WDR27: variants seen among roughly 807,000 people sequenced by gnomAD.
WDR27 encodes the protein WD repeat domain 27.
WDR27 carries 100 observed loss-of-function variants against 114.4 expected under a neutral mutation model. That is an observed-to-expected ratio of 0.87 (90% CI 0.74 to 1.03). The LOEUF is 1.03. Among genes scored for constraint, WDR27 ranks in the 50% least tolerant of loss-of-function variants. The pLI is 0.00. For synonymous variants in WDR27, 449 were observed against 423.1 expected, an observed-to-expected ratio of 1.06 and a Z score of -0.75; for missense variants, 1,129 against 1,092.9, an observed-to-expected ratio of 1.03 and a Z score of -0.47.
At chr6:169,678,941 T>C (rs1480808019) in intron 2 of WDR27, among the ~76,000 whole-genome samples, 1 of 152,074 alleles carries the variant, frequency 6.6e-6, no homozygotes, top group East Asian at 1.9e-4. Context: ...AAAGAAACAA[T>C]TTACAACCTG....
chr6:169,642,662 T>C (rs1819529891), intron 17 of WDR27, among the ~76,000 whole-genome samples: 1 of 152,026 alleles, frequency 6.6e-6, no homozygotes, highest in Non-Finnish European at 1.5e-5. Context: ...TGCCTGCCCT[T>C]GGGGGCCTGC....
chr6:169,521,016 T>G lies in WDR27; in HGVS notation c.2645+51403A>C, dbSNP rs370116355. Among the ~76,000 whole-genome samples the G allele has an allele frequency of 1.3e-4, 20 of 152,124 alleles. No homozygotes were observed. The South Asian group carries it at 2.5e-3, about 19-fold the overall frequency. ...AACTTGCCAAACTTTGAGAAAGAGATAAATATCCAGGTAAGGGAAGGTCAG... is the reference window on the plus strand; with the variant it reads ...AACTTGCCAAACTTTGAGAAAGAGAGAAATATCCAGGTAAGGGAAGGTCAG... On this transcript the variant is annotated intron_variant, in intron 25 of 25. Coordinates refer to ENST00000448612, the MANE Select transcript of WDR27 (RefSeq NM_182552.5).
intron 25 of WDR27, among the ~76,000 whole-genome samples, chr6:169,479,989 C>T (rs1249683806): frequency 6.6e-6 from 1 of 152,246 alleles, no homozygotes; most frequent in Non-Finnish European, 1.5e-5. Flanking sequence ...CCTCTCTGGG[C>T]TGGCCAAGGC....
At chr6:169,586,920 T>C (rs2128147630) in intron 23 of WDR27, among the ~76,000 whole-genome samples, 1 of 121,402 alleles carries the variant, frequency 8.2e-6, no homozygotes, top group East Asian at 2.7e-4. Flanking sequence ...ATGGAACCAA[T>C]CCAGGAAAAC....
At chr6:169,501,271 A>G (rs1791194328) in intron 25 of WDR27, among the ~76,000 whole-genome samples, 1 of 152,176 alleles carries the variant, frequency 6.6e-6, no homozygotes, top group Admixed American at 6.5e-5. Context: ...AGCCCAGACC[A>G]GCCAGTGTCC....
the WDR27 span, among the ~76,000 whole-genome samples, chr6:169,428,608 A>AGGGGGGGGGGGGGGGGG: frequency 3.0e-4 from 34 of 114,488 alleles, no homozygotes; most frequent in Non-Finnish European, 4.4e-4. Flanking sequence ...GGCGGGGGGG[A>AGGGGGGGGGGGGGGGGG]GGGGGGGGTT....
chr6:169,583,841 T>C (rs1055823141), intron 23 of WDR27, among the ~76,000 whole-genome samples: 2 of 152,144 alleles, frequency 1.3e-5, no homozygotes, highest in African/African-American at 2.4e-5. Context: ...CCTACAGATA[T>C]GAAGATAATA....
intron 25 of WDR27, among the ~76,000 whole-genome samples, chr6:169,501,464 G>A (rs968056600): frequency 3.3e-5 from 5 of 152,180 alleles, no homozygotes; most frequent in African/African-American, 1.2e-4. Flanking sequence ...CTATGTGCCT[G>A]GTGTTGTACG....
chr6:169,500,677 C>T (rs775901768), intron 25 of WDR27, among the ~76,000 whole-genome samples: 1 of 152,136 alleles, frequency 6.6e-6, no homozygotes, highest in Non-Finnish European at 1.5e-5. Flanking sequence ...AGGGATCTCT[C>T]CTTCAAAGTG....
chr6:169,452,630 A>G (rs1452814896), downstream of WDR27, among the ~76,000 whole-genome samples: 1 of 152,118 alleles, frequency 6.6e-6, no homozygotes, highest in African/African-American at 2.4e-5. Context: ...TGGCAGCCGC[A>G]GGAGGAGGGC....
At chr6:169,535,266 C>G (rs1165974071) in intron 25 of WDR27, among the ~76,000 whole-genome samples, 1 of 152,068 alleles carries the variant, frequency 6.6e-6, no homozygotes, top group Non-Finnish European at 1.5e-5. Flanking sequence ...TAAGAAGCAT[C>G]AGAGCACCTA....
chr6:169,679,045 G>A (rs576435024), intron 2 of WDR27, among the ~76,000 whole-genome samples: 28 of 151,860 alleles, frequency 1.8e-4, no homozygotes, highest in South Asian at 4.2e-4. Flanking sequence ...CCTTTCTATC[G>A]ATCTCAGATC....
At chr6:169,445,392 G>T in the WDR27 span, among the ~76,000 whole-genome samples, 6 of 152,070 alleles carry the variant, frequency 3.9e-5, no homozygotes, top group Non-Finnish European at 7.4e-5. Context: ...CGAAGGTGTA[G>T]GGTCTCCGGT....
In WDR27 at chr6:169,668,579, C is replaced by G. The variant is rs1828538496; in HGVS notation, c.457-394G>C. 4 of 177,232 alleles carry G rather than the reference C, an allele frequency of 2.3e-5. No individual in the cohort carries two copies. In the Admixed American group the frequency reaches 2.3e-4, roughly 10 times the overall value. 11.0% of individuals were successfully genotyped at this position (177,232 alleles called of 1,614,324 possible). A position where few individuals can be genotyped will look rare whatever the true frequency, so the allele number is the denominator to read the frequency against. On this transcript the variant is annotated intron_variant, in intron 4 of 25. Transcript: ENST00000448612. ...AAACCTCCGACAGCCAAGACAGCAC[C>G]CCAGAAGTCAGCGTCACAAGCTGGA...
intron 25 of WDR27, among the ~76,000 whole-genome samples, chr6:169,518,924 T>G (rs1198766116): frequency 6.6e-6 from 1 of 152,206 alleles, no homozygotes; most frequent in African/African-American, 2.4e-5. Flanking sequence ...TTGAACACTT[T>G]GTTGCTTAGA....
At chr6:169,638,919 AT>A (rs1818420929) in intron 17 of WDR27, among the ~76,000 whole-genome samples, 1 of 152,008 alleles carries the variant, frequency 6.6e-6, no homozygotes, top group African/African-American at 2.4e-5. Context: ...TTCAACTTTT[AT>A]TTTAGATTCA....
chr6:169,566,679 A>G (rs1800556930), intron 25 of WDR27, among the ~76,000 whole-genome samples: 1 of 152,136 alleles, frequency 6.6e-6, no homozygotes, highest in African/African-American at 2.4e-5. Context: ...AGACTACTGG[A>G]GCACTCACTC....
At chr6:169,583,007 A>G in intron 23 of WDR27, 73 bp from the exon 24 acceptor site, 1 of 1,324,068 alleles carries the variant, frequency 7.6e-7, no homozygotes, top group Non-Finnish European at 1.1e-6. Flanking sequence ...GGCAGAGCAG[A>G]GGGACCATCT....
chr6:169,490,909 C>T (rs1789666011), intron 25 of WDR27, among the ~76,000 whole-genome samples: 1 of 152,086 alleles, frequency 6.6e-6, no homozygotes, highest in Non-Finnish European at 1.5e-5. Context: ...ATAACAGGCC[C>T]AAAGCTGGAC....
Sources: allele counts gnomAD v4.1 joint callset (sites outside exome capture counted in the v4.1 genomes callset), GRCh38; gene constraint gnomAD v4.1.1; transcripts MANE v1.5; gene names NCBI Gene and HGNC (gene_info 2026-07-23, HGNC 2026-07-21).